GTF2A1L: variants seen among roughly 807,000 people sequenced by gnomAD.
GTF2A1L encodes general transcription factor IIA subunit 1 like, also known as TFIIA-alpha and beta-like factor.
Under a neutral mutation model 49.7 loss-of-function variants are expected in GTF2A1L, and 48 were observed. The observed-to-expected ratio is 0.97, with a 90% CI of 0.77 to 1.23. The LOEUF (loss-of-function observed/expected upper bound fraction) is 1.23, where lower values mean the gene tolerates loss of function less well. Ranked by LOEUF, GTF2A1L falls within the 50% of genes most tolerant of loss-of-function variation. The pLI, the probability that GTF2A1L is intolerant of heterozygous loss-of-function variation, is 0.00. For missense variants in GTF2A1L, 736 were observed against 564.8 expected (o/e 1.30, Z -3.07); for synonymous variants, 246 against 193.5 (o/e 1.27, Z -2.25).
At chr2:48,631,466 T>C (rs573333578) in intron 3 of GTF2A1L, among the ~76,000 whole-genome samples, 28 of 152,296 alleles carry the variant, frequency 1.8e-4, no homozygotes, top group Non-Finnish European at 3.7e-4. Flanking sequence ...TTGGTTGTAA[T>C]GTCATCTTTG....
chr2:48,620,294 T>C (rs1458099425), intron 1 of GTF2A1L, among the ~76,000 whole-genome samples: 2 of 152,204 alleles, frequency 1.3e-5, no homozygotes, highest in Non-Finnish European at 2.9e-5. Context: ...GCTCATATGT[T>C]ATTGTAGTTC....
At chr2:48,642,028 G>T (rs1292279277) in intron 3 of GTF2A1L, among the ~76,000 whole-genome samples, 1 of 152,164 alleles carries the variant, frequency 6.6e-6, no homozygotes, top group African/African-American at 2.4e-5. Flanking sequence ...ATGGGTTTAT[G>T]TTGGGTTAAC....
chr2:48,662,375 G>A (rs536139303), intron 6 of GTF2A1L, among the ~76,000 whole-genome samples: 10 of 152,252 alleles, frequency 6.6e-5, no homozygotes, highest in South Asian at 4.1e-4. Flanking sequence ...GTAGCTTCAA[G>A]TTACTATCTA....
In GTF2A1L at chr2:48,621,193, T is replaced by A; in HGVS notation, c.150T>A (p.Ser50=). 1 of 1,614,086 alleles carries A rather than the reference T, an allele frequency of 6.2e-7. No homozygotes were observed. The highest frequency in any genetic ancestry group is 1.6e-4 in the Middle Eastern group (1 of 6,062). Reference sequence around the variant, plus strand: ...TCTGGGAAACCAAGGTTTTGCAGTCTAAAGCAACAGAAGACTTCTTCAGAA... The same window carrying A: ...TCTGGGAAACCAAGGTTTTGCAGTCAAAAGCAACAGAAGACTTCTTCAGAA... The part of the protein sequence containing the change: ...KQLWETKVLQ[S]KATEDFFRNS... The change falls in exon 3 of 9, where the codon TCT becomes TCA. Residue 50 remains serine, a synonymous_variant. Transcript: ENST00000403751.
chr2:48,622,140 A>C (rs1179432175), intron 3 of GTF2A1L, among the ~76,000 whole-genome samples: 3 of 152,230 alleles, frequency 2.0e-5, no homozygotes, highest in Non-Finnish European at 4.4e-5. Context: ...ATTCACATGA[A>C]AATTACATGG....
At chr2:48,678,114 T>A (rs1374023364) in intron 8 of GTF2A1L, among the ~76,000 whole-genome samples, 3 of 151,972 alleles carry the variant, frequency 2.0e-5, no homozygotes, top group Non-Finnish European at 4.4e-5. Flanking sequence ...ATATGATTTG[T>A]CAGTAACTGA....
intron 3 of GTF2A1L, among the ~76,000 whole-genome samples, chr2:48,622,812 C>G (rs12994052): frequency 6.9e-6 from 1 of 144,686 alleles, no homozygotes; most frequent in Non-Finnish European, 1.5e-5. Flanking sequence ...CCAGCCTGGG[C>G]GACACAGTGA....
chr2:48,678,790 C>T (rs1679607082), intron 8 of GTF2A1L, among the ~76,000 whole-genome samples: 1 of 151,970 alleles, frequency 6.6e-6, no homozygotes, highest in African/African-American at 2.4e-5. Flanking sequence ...ATATTGGCTA[C>T]ATCTTCCCTG....
chr2:48,635,505 T>C (rs991851362), intron 3 of GTF2A1L, among the ~76,000 whole-genome samples: 4 of 152,076 alleles, frequency 2.6e-5, no homozygotes, highest in African/African-American at 9.7e-5. Flanking sequence ...CACCAAGTGA[T>C]GGCACATGCA....
intron 6 of GTF2A1L, among the ~76,000 whole-genome samples, chr2:48,659,302 CT>C (rs1678361156): frequency 6.6e-6 from 1 of 152,052 alleles, no homozygotes; most frequent in Non-Finnish European, 1.5e-5. Context: ...TAGTTTTTCT[CT>C]TTCAAGAATG....
intron 3 of GTF2A1L, among the ~76,000 whole-genome samples, chr2:48,627,802 GGTACAAATGCATA>G (rs1468277999): frequency 7.0e-6 from 1 of 142,718 alleles, no homozygotes; most frequent in East Asian, 2.0e-4. Flanking sequence ...TGAGGTTTGG[GGTACAAATGCATA>G]GTACCCCCAG....
At chr2:48,627,989 T>C (rs1291527068) in intron 3 of GTF2A1L, among the ~76,000 whole-genome samples, 1 of 144,302 alleles carries the variant, frequency 6.9e-6, no homozygotes, top group African/African-American at 2.5e-5. Flanking sequence ...TGTTTTTCTG[T>C]TCCTGCATTA....
intron 6 of GTF2A1L, among the ~76,000 whole-genome samples, chr2:48,657,357 ATG>A (rs1678239354): frequency 6.6e-6 from 1 of 152,000 alleles, no homozygotes; most frequent in Non-Finnish European, 1.5e-5. Context: ...ACATCTCTTT[ATG>A]GTTTTCTGTT....
chr2:48,639,992 A>G (rs1217411308), intron 3 of GTF2A1L, among the ~76,000 whole-genome samples: 1 of 152,208 alleles, frequency 6.6e-6, no homozygotes, highest in African/African-American at 2.4e-5. Context: ...CAAAAACACA[A>G]GGAGATACCA....
chr2:48,662,085 A>G (rs922112243), intron 6 of GTF2A1L, among the ~76,000 whole-genome samples: 5 of 152,136 alleles, frequency 3.3e-5, no homozygotes, highest in Non-Finnish European at 7.4e-5. Context: ...ATTACATATA[A>G]TATTTTAGGC....
intron 6 of GTF2A1L, among the ~76,000 whole-genome samples, chr2:48,657,124 C>T (rs1678223253): frequency 6.6e-6 from 1 of 152,012 alleles, no homozygotes; most frequent in South Asian, 2.1e-4. Flanking sequence ...ATTTAAGATT[C>T]AGGGAGTACA....
At position 48,644,095 on chromosome 2, in the gene GTF2A1L, T is replaced by TGATTA. The variant is rs1179269302; in HGVS notation, c.304-938_304-937insGATTA. 3.3e-5 allele frequency among the ~76,000 whole-genome samples: 5 copies of TGATTA among 152,280 alleles called. No individual in the cohort carries two copies. In the South Asian group the frequency reaches 8.3e-4, roughly 25 times the overall value. ...CTGAGGCAAAAGGATCACTTGAGCC[T>TGATTA]CGTAATTGGAGATTACAGTGAGTTA... On this transcript the variant is annotated intron_variant, in intron 4 of 8. Transcript: ENST00000403751.
chr2:48,665,534 T>C (rs1678794600), intron 6 of GTF2A1L, among the ~76,000 whole-genome samples: 1 of 152,170 alleles, frequency 6.6e-6, no homozygotes, highest in South Asian at 2.1e-4. Context: ...TTGCATTCAA[T>C]TAAAATTATT....
chr2:48,669,210 C>G (rs149809156), intron 6 of GTF2A1L, among the ~76,000 whole-genome samples: 1 of 152,114 alleles, frequency 6.6e-6, no homozygotes, highest in African/African-American at 2.4e-5. Context: ...CCCCTAGTAA[C>G]CTCGATTTTA....
Sources: allele counts gnomAD v4.1 joint callset (sites outside exome capture counted in the v4.1 genomes callset), GRCh38; gene constraint gnomAD v4.1.1; transcripts MANE v1.5; gene names NCBI Gene and HGNC (gene_info 2026-07-23, HGNC 2026-07-21).